PTPRK: variants seen among roughly 807,000 people sequenced by gnomAD.
PTPRK encodes protein tyrosine phosphatase receptor type K.
In PTPRK, 75 loss-of-function variants were observed where a neutral mutation model predicts 178.0. That is an observed-to-expected ratio of 0.42 (90% CI 0.35 to 0.51). PTPRK has a LOEUF of 0.51. Ranked by LOEUF, PTPRK falls within the 20% of genes least tolerant of loss-of-function variation. The probability of loss-of-function intolerance (pLI) is 0.02; values close to 1 mark genes in which losing one functional copy is unlikely to be tolerated. For missense variants in PTPRK, 1,441 were observed against 1,797.8 expected, an observed-to-expected ratio of 0.80 and a Z score of 3.59; for synonymous variants, 637 against 620.6, an observed-to-expected ratio of 1.03 and a Z score of -0.39.
chr6:128,445,793 G>A (rs886439969), intron 1 of PTPRK, among the ~76,000 whole-genome samples: 5 of 152,082 alleles, frequency 3.3e-5, no homozygotes, highest in Non-Finnish European at 5.9e-5. Flanking sequence ...TGTCATTGGT[G>A]GAGTCCACCA....
At chr6:128,224,298 C>A (rs1583562741) in intron 5 of PTPRK, among the ~76,000 whole-genome samples, 2 of 152,160 alleles carry the variant, frequency 1.3e-5, no homozygotes, top group Admixed American at 1.3e-4. Flanking sequence ...TTGTCACTTA[C>A]CAAGTAACCC....
At chr6:127,981,474 G>C (rs546710927) in intron 24 of PTPRK, among the ~76,000 whole-genome samples, 185 bp from the exon 25 acceptor site, 2 of 152,286 alleles carry the variant, frequency 1.3e-5, no homozygotes, top group Admixed American at 6.5e-5. Flanking sequence ...AAGTGACAAA[G>C]AAACAAGACA....
intron 2 of PTPRK, among the ~76,000 whole-genome samples, chr6:128,336,807 C>T (rs939995539): frequency 2.0e-5 from 3 of 152,154 alleles, no homozygotes; most frequent in African/African-American, 4.8e-5. Context: ...TCTGCAAACA[C>T]CATGAACTAG....
rs369893263 is a variant in PTPRK, at chr6:128,321,941, C to A, written c.495+98G>T. ...GGGGTGGGGGAGGCAAGAGGGCAAT[C>A]TCTCATTACCATGAGATGCATATTT... On this transcript the variant is annotated intron_variant, in intron 3 of 29. Coordinates refer to ENST00000368226, the MANE Select transcript of PTPRK (RefSeq NM_002844.4). The A allele has an allele frequency of 1.8e-5, 27 of 1,484,108 alleles. No individual in the cohort carries two copies. The East Asian group carries it at 2.7e-4, about 15-fold the overall frequency. The allele number at this position is 1,484,108 out of a possible 1,614,324, so 91.9% of individuals were successfully genotyped here. A position where few individuals can be genotyped will look rare whatever the true frequency, so the allele number is the denominator to read the frequency against.
chr6:128,249,328 T>G (rs1245103828), intron 3 of PTPRK, among the ~76,000 whole-genome samples: 1 of 151,572 alleles, frequency 6.6e-6, no homozygotes, highest in Non-Finnish European at 1.5e-5. Context: ...ATTTTTTTTT[T>G]AATTTAAGCC....
chr6:128,390,394 C>T (rs1382807413), intron 2 of PTPRK, among the ~76,000 whole-genome samples: 1 of 152,138 alleles, frequency 6.6e-6, no homozygotes, highest in African/African-American at 2.4e-5. Context: ...AATCCTGAAG[C>T]TTGGCAGCAA....
intron 16 of PTPRK, 141 bp downstream of exon 16, chr6:127,998,579 T>C (rs1209587428): frequency 3.7e-6 from 2 of 546,198 alleles, no homozygotes; most frequent in African/African-American, 1.9e-5. Context: ...ACACACTTGG[T>C]TGTACACTCA....
At chr6:128,205,318 T>C (rs1806725805) in intron 6 of PTPRK, among the ~76,000 whole-genome samples, 1 of 151,828 alleles carries the variant, frequency 6.6e-6, no homozygotes, top group Non-Finnish European at 1.5e-5. Context: ...GATTCTGAGC[T>C]TAATACCTAG....
At chr6:128,127,448 T>C (rs1020326143) in intron 7 of PTPRK, among the ~76,000 whole-genome samples, 14 of 152,220 alleles carry the variant, frequency 9.2e-5, no homozygotes, top group Non-Finnish European at 2.1e-4. Flanking sequence ...TCTTCATTTA[T>C]TGTGTTTTTA....
intron 15 of PTPRK, among the ~76,000 whole-genome samples, chr6:128,001,514 G>A (rs975266761): frequency 6.6e-6 from 1 of 151,924 alleles, no homozygotes; most frequent in Non-Finnish European, 1.5e-5. Flanking sequence ...TGTAATGAAT[G>A]TTTATATAAC....
chr6:128,105,111 C>T (rs997200146), intron 7 of PTPRK, among the ~76,000 whole-genome samples: 34 of 151,406 alleles, frequency 2.2e-4, no homozygotes, highest in Non-Finnish European at 1.5e-4. Flanking sequence ...GGGCAAGAAA[C>T]GTATTACCTC....
At chr6:128,169,892 C>T (rs1392407795) in intron 7 of PTPRK, among the ~76,000 whole-genome samples, 1 of 150,388 alleles carries the variant, frequency 6.6e-6, no homozygotes, top group Non-Finnish European at 1.5e-5. Context: ...CAGGCACTTT[C>T]CAGAACTATA....
chr6:128,471,481 T>C (rs1410204257), intron 1 of PTPRK, among the ~76,000 whole-genome samples: 1 of 150,966 alleles, frequency 6.6e-6, no homozygotes, highest in Admixed American at 6.6e-5. Flanking sequence ...CAAGAACAGT[T>C]TGGGGCAATA....
intron 2 of PTPRK, among the ~76,000 whole-genome samples, chr6:128,379,000 T>C (rs1837492190): frequency 6.6e-6 from 1 of 152,124 alleles, no homozygotes; most frequent in African/African-American, 2.4e-5. Context: ...TCTATCACAG[T>C]AAAGTACTAT....
intron 13 of PTPRK, among the ~76,000 whole-genome samples, chr6:128,042,377 A>C (rs1256032791): frequency 6.6e-6 from 1 of 152,066 alleles, no homozygotes; most frequent in East Asian, 1.9e-4. Context: ...AATGAGTCTT[A>C]TGGGACTAAA....
intron 7 of PTPRK, among the ~76,000 whole-genome samples, chr6:128,160,281 C>G (rs1798521183): frequency 6.6e-6 from 1 of 151,648 alleles, no homozygotes; most frequent in Non-Finnish European, 1.5e-5. Flanking sequence ...AAATACTACT[C>G]TTTTTATACA....
chr6:128,321,062 C>A (rs757155677), intron 3 of PTPRK: 4 of 152,206 alleles, frequency 2.6e-5, no homozygotes, highest in South Asian at 4.1e-4. Context: ...CAAAGCATTT[C>A]TTTTTTCCCC....
At chr6:128,397,718 C>A in intron 1 of PTPRK, 30 bp from the exon 2 acceptor site, 2 of 1,606,142 alleles carry the variant, frequency 1.2e-6, no homozygotes, top group South Asian at 1.1e-5. Context: ...CTGTTACATT[C>A]TAAACAGATT....
intron 6 of PTPRK, among the ~76,000 whole-genome samples, chr6:128,213,298 T>G (rs1407959294): frequency 4.6e-5 from 7 of 152,024 alleles, no homozygotes; most frequent in African/African-American, 1.7e-4. Context: ...CTCCAAATGT[T>G]TCTTTTATCA....
Sources: gnomAD v4.1 joint callset for allele counts (sites outside exome capture counted in the v4.1 genomes callset) on GRCh38, gnomAD v4.1.1 for gene constraint, MANE v1.5 for transcripts, NCBI Gene and HGNC (gene_info 2026-07-23, HGNC 2026-07-21) for gene names.